NMNAT3: variants seen among roughly 807,000 people sequenced by gnomAD.
NMNAT3 encodes nicotinamide/nicotinic acid mononucleotide adenylyltransferase 3.
A neutral mutation model predicts 24.8 loss-of-function variants in NMNAT3; 21 were observed. The observed-to-expected ratio is 0.85, with a 90% confidence interval of 0.60 to 1.22. The LOEUF (loss-of-function observed/expected upper bound fraction) is 1.22. NMNAT3 is among the 50% of genes most tolerant of loss of function. The pLI, the probability that NMNAT3 is intolerant of heterozygous loss-of-function variation, is 0.00. For synonymous variants in NMNAT3, 136 were observed against 155.2 expected, an observed-to-expected ratio of 0.88 and a Z score of 0.92; for missense variants, 387 against 436.6, an observed-to-expected ratio of 0.89 and a Z score of 1.01.
chr3:139,636,870 A>T (rs528931810), intron 2 of NMNAT3: 1 of 152,334 alleles, frequency 6.6e-6, no homozygotes, highest in Admixed American at 6.5e-5. Flanking sequence ...GGCCATGTGG[A>T]ATTGACTACA....
At chr3:139,592,712 C>T (rs1044935006) in intron 3 of NMNAT3, among the ~76,000 whole-genome samples, 1 of 151,974 alleles carries the variant, frequency 6.6e-6, no homozygotes, top group Non-Finnish European at 1.5e-5. Flanking sequence ...TCATATCCAG[C>T]CAAACTAAGC....
intron 3 of NMNAT3, among the ~76,000 whole-genome samples, chr3:139,619,481 T>C (rs897528182): frequency 2.6e-5 from 4 of 152,170 alleles, no homozygotes; most frequent in Non-Finnish European, 5.9e-5. Flanking sequence ...GTGGTTATCA[T>C]GGCCTTTGGG....
intron 3 of NMNAT3, among the ~76,000 whole-genome samples, chr3:139,624,712 G>A (rs1421906205): frequency 6.6e-6 from 1 of 152,202 alleles, no homozygotes; most frequent in Non-Finnish European, 1.5e-5. Context: ...GCCTCCCAAA[G>A]TGTTGGGATT....
At chr3:139,662,286 TC>T (rs1469585674) in intron 1 of NMNAT3, among the ~76,000 whole-genome samples, 1 of 152,082 alleles carries the variant, frequency 6.6e-6, no homozygotes, top group Non-Finnish European at 1.5e-5. Context: ...TAATTTGTAA[TC>T]CTGGTTCTGT....
chr3:139,591,516 G>A (rs1024448349), intron 3 of NMNAT3, among the ~76,000 whole-genome samples: 32 of 152,286 alleles, frequency 2.1e-4, no homozygotes, highest in Non-Finnish European at 3.7e-4. Flanking sequence ...TCTGGGGGCA[G>A]GGTACAGACA....
chr3:139,660,350 T>C (rs1270603053), intron 1 of NMNAT3, among the ~76,000 whole-genome samples: 1 of 152,194 alleles, frequency 6.6e-6, no homozygotes, highest in Non-Finnish European at 1.5e-5. Flanking sequence ...CTCCTTCCAC[T>C]CCATTACTCT....
At chr3:139,572,033 T>G (rs529648986) in intron 6 of NMNAT3, 2 of 398,324 alleles carry the variant, frequency 5.0e-6, no homozygotes, top group Non-Finnish European at 8.8e-6. Flanking sequence ...ACCTCAATAA[T>G]CCAGTCATCC....
intron 1 of NMNAT3, among the ~76,000 whole-genome samples, chr3:139,664,469 G>T (rs1178473637): frequency 6.6e-6 from 1 of 152,070 alleles, no homozygotes; most frequent in African/African-American, 2.4e-5. Context: ...TAGGGATACT[G>T]GAAAAAAAGA....
At chr3:139,567,524 G>A (rs1192162164) in intron 6 of NMNAT3, 1 of 152,064 alleles carries the variant, frequency 6.6e-6, no homozygotes, top group African/African-American at 2.4e-5. Flanking sequence ...ATTATTTTGA[G>A]ATACATCCCA....
chr3:139,566,204 G>A (rs1937177500), intron 6 of NMNAT3: 1 of 152,184 alleles, frequency 6.6e-6, no homozygotes, highest in South Asian at 2.1e-4. Flanking sequence ...CTTTCTGATG[G>A]AGTTGTTTGT....
intron 1 of NMNAT3, among the ~76,000 whole-genome samples, chr3:139,665,595 T>C (rs1339765456): frequency 6.6e-6 from 1 of 152,120 alleles, no homozygotes; most frequent in Admixed American, 6.6e-5. Flanking sequence ...CCATGAAAGA[T>C]GGCATATGTT....
chr3:139,665,184 C>T (rs1344738164), intron 1 of NMNAT3, among the ~76,000 whole-genome samples: 2 of 152,160 alleles, frequency 1.3e-5, no homozygotes, highest in Non-Finnish European at 2.9e-5. Flanking sequence ...ACACCCTGTA[C>T]ACGAAGCCAG....
At chr3:139,573,713 C>T (rs745637500) in intron 5 of NMNAT3, 33 bp from the exon 6 acceptor site, 2 of 1,323,132 alleles carry the variant, frequency 1.5e-6, no homozygotes, top group Admixed American at 4.7e-5. Context: ...CAGGGTATGT[C>T]TGTCCTCCAG....
intron 1 of NMNAT3, among the ~76,000 whole-genome samples, chr3:139,643,189 C>T (rs2056763920): frequency 6.6e-6 from 1 of 152,140 alleles, no homozygotes; most frequent in African/African-American, 2.4e-5. Context: ...GTTAGAATGA[C>T]TGTTAACTGA....
chr3:139,646,438 G>A (rs1396872490), intron 1 of NMNAT3, among the ~76,000 whole-genome samples: 1 of 152,230 alleles, frequency 6.6e-6, no homozygotes, highest in East Asian at 1.9e-4. Context: ...CCTGTTTCAG[G>A]TGGGGCAGTC....
At chr3:139,667,454 A>AT (rs886430156) in intron 1 of NMNAT3, among the ~76,000 whole-genome samples, 8 of 152,116 alleles carry the variant, frequency 5.3e-5, no homozygotes, top group African/African-American at 1.9e-4. Context: ...AAATCAAAAT[A>AT]TTTGGGCTTT....
At chr3:139,643,348 A>G (rs180894437) in intron 1 of NMNAT3, among the ~76,000 whole-genome samples, 1 of 152,304 alleles carries the variant, frequency 6.6e-6, no homozygotes, top group Admixed American at 6.5e-5. Flanking sequence ...TGATCCAGGA[A>G]TTCCACTTCT....
At chr3:139,594,836 C>G (rs1433874667) in intron 3 of NMNAT3, among the ~76,000 whole-genome samples, 2 of 152,158 alleles carry the variant, frequency 1.3e-5, no homozygotes. Context: ...CTATCTATGA[C>G]AAACCCACAG....
chr3:139,667,524 C>T (rs1028849224), intron 1 of NMNAT3, among the ~76,000 whole-genome samples: 2 of 152,086 alleles, frequency 1.3e-5, no homozygotes, highest in Non-Finnish European at 2.9e-5. Context: ...GTCAGATGGA[C>T]AGTTTGCAAA....
Sources: allele counts gnomAD v4.1 joint callset (sites outside exome capture counted in the v4.1 genomes callset), GRCh38; gene constraint gnomAD v4.1.1; transcripts MANE v1.5; gene names NCBI Gene and HGNC (gene_info 2026-07-23, HGNC 2026-07-21).